POT1: variants seen among roughly 807,000 people sequenced by gnomAD.
POT1 encodes protection of telomeres protein 1.
A neutral mutation model predicts 78.5 loss-of-function variants in POT1; 47 were observed. That is an observed-to-expected ratio of 0.60 (90% CI 0.47 to 0.76). The LOEUF (loss-of-function observed/expected upper bound fraction) is 0.76, where lower values mean the gene tolerates loss of function less well. Ranked by LOEUF, POT1 falls within the 30% of genes least tolerant of loss-of-function variation. The pLI, the probability that POT1 is intolerant of heterozygous loss-of-function variation, is 0.00. For missense variants in POT1, 646 were observed against 749.9 expected (o/e 0.86, Z 1.62); for synonymous variants, 259 against 260.7 (o/e 0.99, Z 0.06).
chr7:124,894,481 T>G (rs913219507), intron 5 of POT1, among the ~76,000 whole-genome samples: 1 of 151,652 alleles, frequency 6.6e-6, no homozygotes, highest in African/African-American at 2.4e-5. Flanking sequence ...AATAAACAAC[T>G]TCTTGTTTGG....
intron 6 of POT1, among the ~76,000 whole-genome samples, chr7:124,876,876 C>T (rs1343654110): frequency 1.3e-5 from 2 of 152,080 alleles, no homozygotes; most frequent in African/African-American, 2.4e-5. Flanking sequence ...AAATTCTGTA[C>T]CCCAGGCAAA....
intron 2 of POT1, among the ~76,000 whole-genome samples, chr7:124,917,996 A>C (rs1012174658): frequency 3.3e-5 from 5 of 152,064 alleles, no homozygotes; most frequent in Non-Finnish European, 7.4e-5. Flanking sequence ...CCAAGGAAAA[A>C]TATTCTGGTG....
chr7:124,865,556 T>C (rs945003153), intron 7 of POT1, among the ~76,000 whole-genome samples: 1 of 152,012 alleles, frequency 6.6e-6, no homozygotes, highest in African/African-American at 2.4e-5. Flanking sequence ...ATTAGATTTT[T>C]CATTTGTTCT....
chr7:124,842,708 T>A, intron 13 of POT1, 99 bp downstream of exon 13: 1 of 938,772 alleles, frequency 1.1e-6, no homozygotes, highest in Non-Finnish European at 1.5e-6. Flanking sequence ...AATATATATA[T>A]TAACAATTTA....
chr7:124,855,745 A>T (rs1795432617), intron 9 of POT1, among the ~76,000 whole-genome samples: 1 of 151,930 alleles, frequency 6.6e-6, no homozygotes, highest in Admixed American at 6.6e-5. Context: ...TAATCAAACG[A>T]TTTGTCATAA....
intron 15 of POT1, among the ~76,000 whole-genome samples, chr7:124,832,012 A>AT (rs1794772314): frequency 6.6e-6 from 1 of 150,622 alleles, no homozygotes; most frequent in Non-Finnish European, 1.5e-5. Flanking sequence ...AAAAAAAAAA[A>AT]AAAAAAAAAA....
intron 11 of POT1, among the ~76,000 whole-genome samples, chr7:124,850,044 T>G (rs1795266129): frequency 6.6e-6 from 1 of 151,616 alleles, no homozygotes; most frequent in African/African-American, 2.4e-5. Context: ...TACAGTGTAC[T>G]TTAAAAATAA....
intron 14 of POT1, 50 bp from the exon 15 acceptor site, chr7:124,835,464 C>A: frequency 6.3e-7 from 1 of 1,575,090 alleles, no homozygotes; most frequent in Non-Finnish European, 8.7e-7. Flanking sequence ...AAAATGTAGA[C>A]AAGTACAGTC....
At chr7:124,882,501 GAAGA>G (rs1258472534) in intron 6 of POT1, among the ~76,000 whole-genome samples, 1 of 151,918 alleles carries the variant, frequency 6.6e-6, no homozygotes, top group African/African-American at 2.4e-5. Context: ...GAAGATGAAA[GAAGA>G]AAGAATATAT....
intron 3 of POT1, among the ~76,000 whole-genome samples, chr7:124,900,112 T>C (rs1796582866): frequency 6.6e-6 from 1 of 152,208 alleles, no homozygotes; most frequent in Non-Finnish European, 1.5e-5. Context: ...AAACATGGAT[T>C]TATATTTGAA....
chr7:124,863,619 T>C lies in POT1; in HGVS notation c.277A>G (p.Thr93Ala). 1 of 1,612,012 alleles carries C rather than the reference T, an allele frequency of 6.2e-7. No individual in the cohort carries two copies. The highest frequency in any genetic ancestry group is 8.5e-7 in the Non-Finnish European group (1 of 1,179,304). Residue 93 changes from threonine to alanine, a missense_variant, in exon 8 of 19, where the codon ACT (threonine) becomes GCT (alanine). Physicochemically the swap from Thr to Ala is moderately conservative, Grantham distance 58. This residue lies in a region of POT1 where 252 missense variants were observed against 341.4 expected (regional missense o/e 0.74). Coordinates refer to ENST00000357628, the MANE Select transcript of POT1 (RefSeq NM_015450.3). ...AAGCCAGAGCTGGTGATACCCTGAG[T>C]CTCCTTTTTATATACTTGAATCTAA... ...RLKIQVYKKE[T>A]QGITSSGFAS...
intron 14 of POT1, among the ~76,000 whole-genome samples, chr7:124,838,235 G>A (rs1472946302): frequency 1.3e-5 from 2 of 151,828 alleles, no homozygotes; most frequent in African/African-American, 4.8e-5. Flanking sequence ...TATTAGGAAG[G>A]AAGAAATAAG....
At chr7:124,926,633 T>A (rs1218761858) in intron 2 of POT1, among the ~76,000 whole-genome samples, 1 of 152,180 alleles carries the variant, frequency 6.6e-6, no homozygotes, top group Non-Finnish European at 1.5e-5. Context: ...CCTGCACTCA[T>A]ATGTATACCA....
At chr7:124,836,946 T>G (rs1046582032) in intron 14 of POT1, among the ~76,000 whole-genome samples, 1 of 152,194 alleles carries the variant, frequency 6.6e-6, no homozygotes. Flanking sequence ...AAACATGTGC[T>G]AAACAAATGA....
intron 3 of POT1, among the ~76,000 whole-genome samples, chr7:124,898,805 T>C (rs1261344550): frequency 6.6e-6 from 1 of 152,114 alleles, no homozygotes; most frequent in Non-Finnish European, 1.5e-5. Context: ...ATACAGGGCA[T>C]GGACATAATA....
At chr7:124,856,757 A>T (rs1795456225) in intron 9 of POT1, among the ~76,000 whole-genome samples, 1 of 152,240 alleles carries the variant, frequency 6.6e-6, no homozygotes, top group South Asian at 2.1e-4. Context: ...ACTGAGGTGA[A>T]TCTAAAATGT....
intron 14 of POT1, among the ~76,000 whole-genome samples, chr7:124,840,465 AT>A (rs1304236682): frequency 6.6e-6 from 1 of 152,062 alleles, no homozygotes; most frequent in African/African-American, 2.4e-5. Context: ...TTTTAGATAA[AT>A]GAGATAAAAA....
intron 13 of POT1, among the ~76,000 whole-genome samples, chr7:124,842,584 G>A (rs1795053626): frequency 6.6e-6 from 1 of 151,924 alleles, no homozygotes; most frequent in South Asian, 2.1e-4. Context: ...TTATCAGAGT[G>A]ACTAAGCTGA....
At chr7:124,905,350 T>G (rs1796738245) in intron 3 of POT1, among the ~76,000 whole-genome samples, 2 of 152,272 alleles carry the variant, frequency 1.3e-5, no homozygotes, top group South Asian at 4.1e-4. Flanking sequence ...ATCTGATCTT[T>G]GACAAACCTG....
Sources: gnomAD v4.1 joint callset for allele counts (sites outside exome capture counted in the v4.1 genomes callset) on GRCh38, gnomAD v4.1.1 for gene constraint, gnomAD v4.1.1 regional missense constraint, MANE v1.5 for transcripts, NCBI Gene and HGNC (gene_info 2026-07-23, HGNC 2026-07-21) for gene names.